CSMD1: variants seen among roughly 807,000 people sequenced by gnomAD.
CSMD1 encodes CUB and Sushi multiple domains 1.
In CSMD1, 213 loss-of-function variants were observed where a neutral mutation model predicts 417.5. The observed-to-expected ratio is 0.51, with a 90% CI of 0.46 to 0.57. CSMD1 has a LOEUF of 0.57. CSMD1 is among the 20% of genes least tolerant of loss of function. The pLI is 0.00. For synonymous variants in CSMD1, 2,862 were observed against 1,736.8 expected (o/e 1.65, Z -16.11); for missense variants, 6,923 against 4,529.7 (o/e 1.53, Z -15.17).
chr8:4,432,744 C>T (rs781431237), intron 2 of CSMD1, among the ~76,000 whole-genome samples: 7 of 152,162 alleles, frequency 4.6e-5, no homozygotes, highest in Non-Finnish European at 7.3e-5. Flanking sequence ...AGATTTCAAA[C>T]CAGGGCCATA....
In CSMD1 at chr8:4,440,761, C is replaced by T. The variant is rs368101612; in HGVS notation, c.303-20696G>A. Reference sequence around the variant, plus strand: ...CTATAATCCCAGCATTTTGGGAGGCCAGTGCGAGCAGATCACCTGAGGTCA... The same window carrying T: ...CTATAATCCCAGCATTTTGGGAGGCTAGTGCGAGCAGATCACCTGAGGTCA... On this transcript the variant is annotated intron_variant, in intron 2 of 69. Coordinates refer to ENST00000635120, the MANE Select transcript of CSMD1 (RefSeq NM_033225.6). 4.1e-4 allele frequency among the ~76,000 whole-genome samples: 62 copies of T among 152,060 alleles called. 1 individual carries two copies. In the East Asian group the frequency reaches 0.011, roughly 28 times the overall value.
At position 3,525,264 on chromosome 8, in the gene CSMD1, G is replaced by A. The variant is rs78554538; in HGVS notation, c.1345-31538C>T. On this transcript the variant is annotated intron_variant, in intron 10 of 69. Coordinates refer to ENST00000635120, the MANE Select transcript of CSMD1 (RefSeq NM_033225.6). Reference sequence around the variant, plus strand: ...TCCCTGGAACTGAGGGTCCTTAAAAGCACTCAGGAACTTTCAAAGCAACAG... The same window carrying A: ...TCCCTGGAACTGAGGGTCCTTAAAAACACTCAGGAACTTTCAAAGCAACAG... Among the ~76,000 whole-genome samples, 13 of 152,238 alleles carry A rather than the reference G, an allele frequency of 8.5e-5. No individual in the cohort carries two copies. The East Asian group carries it at 9.7e-4, about 11-fold the overall frequency.
chr8:3,759,522 G>C (rs558609603), intron 5 of CSMD1, among the ~76,000 whole-genome samples: 1 of 152,020 alleles, frequency 6.6e-6, no homozygotes, highest in Non-Finnish European at 1.5e-5. Context: ...CAAATAGTTT[G>C]GAAAATGAAA....
At chr8:4,089,563 ATTAC>A (rs1171949612) in intron 3 of CSMD1, among the ~76,000 whole-genome samples, 1 of 152,088 alleles carries the variant, frequency 6.6e-6, no homozygotes, top group African/African-American at 2.4e-5. Flanking sequence ...TCTGACTTGC[ATTAC>A]TTAGTTATTA....
At chr8:3,706,591 T>C (rs915260083) in intron 7 of CSMD1, among the ~76,000 whole-genome samples, 1 of 152,178 alleles carries the variant, frequency 6.6e-6, no homozygotes, top group Non-Finnish European at 1.5e-5. Flanking sequence ...AGAAGAGATA[T>C]TCTCCTTATT....
intron 42 of CSMD1, among the ~76,000 whole-genome samples, chr8:3,114,759 C>T (rs1218988111): frequency 6.6e-6 from 1 of 152,044 alleles, no homozygotes; most frequent in Non-Finnish European, 1.5e-5. Context: ...TCTGTATTTA[C>T]CAATCAGCTT....
In CSMD1 at chr8:3,766,952, G is replaced by A. The variant is rs144929770; in HGVS notation, c.819-12910C>T. Among the ~76,000 whole-genome samples, 339 of 152,272 alleles carry A rather than the reference G, an allele frequency of 2.2e-3. 2 individuals carry two copies. The highest frequency in any genetic ancestry group is 7.8e-3 in the African/African-American group (323 of 41,550). ...AACGAGTCCGACGGCAACAGATGCA[G>A]CACGGCTAATGCAATCATATGGGTC... On this transcript the variant is annotated intron_variant, in intron 5 of 69. Coordinates refer to ENST00000635120, the MANE Select transcript of CSMD1 (RefSeq NM_033225.6).
intron 47 of CSMD1, among the ~76,000 whole-genome samples, chr8:3,093,189 C>T (rs962732128): frequency 3.9e-5 from 6 of 152,170 alleles, no homozygotes; most frequent in Admixed American, 6.5e-5. Flanking sequence ...TAAGGTTAAA[C>T]GAGGTAGTAT....
chr8:3,052,616 T>A lies in CSMD1; in HGVS notation c.7506A>T (p.Gly2502=). 1 of 1,611,474 alleles carries A rather than the reference T, an allele frequency of 6.2e-7. No homozygotes were observed. The highest frequency in any genetic ancestry group is 8.5e-7 in the Non-Finnish European group (1 of 1,178,838). Residue 2502 remains glycine (G), a synonymous_variant, in exon 50 of 70, where the codon GGA becomes GGT. Coordinates refer to ENST00000635120, the MANE Select transcript of CSMD1 (RefSeq NM_033225.6). ...ACTCGTTCCCGGTAAATGAACCGTT[T>A]CCTGGGGATTCTGGGATTCCACAGG... The part of the protein sequence containing the change: ...AVSCGIPESP[G]NGSFTGNEFT...
intron 1 of CSMD1, among the ~76,000 whole-genome samples, chr8:4,670,302 G>C (rs888679397): frequency 6.6e-6 from 1 of 152,222 alleles, no homozygotes; most frequent in Admixed American, 6.5e-5. Context: ...TGGTTTTTGT[G>C]GCCTTGGCCC....
intron 17 of CSMD1, among the ~76,000 whole-genome samples, chr8:3,388,173 G>C (rs898788047): frequency 2.0e-5 from 3 of 152,102 alleles, no homozygotes; most frequent in African/African-American, 7.2e-5. Context: ...ATTAAAAACT[G>C]TGCTAGTGTT....
chr8:4,443,835 A>G (rs1459961481), intron 2 of CSMD1, among the ~76,000 whole-genome samples: 1 of 152,216 alleles, frequency 6.6e-6, no homozygotes, highest in Non-Finnish European at 1.5e-5. Context: ...CAGTGTTAGT[A>G]ACGAACTTCT....
chr8:3,666,762 T>G (rs1333010396), intron 7 of CSMD1, among the ~76,000 whole-genome samples: 1 of 152,214 alleles, frequency 6.6e-6, no homozygotes, highest in Non-Finnish European at 1.5e-5. Context: ...TGCCTCCATG[T>G]AAGATGTGCC....
chr8:3,831,741 G>C (rs1272612006), intron 5 of CSMD1, among the ~76,000 whole-genome samples: 1 of 152,120 alleles, frequency 6.6e-6, no homozygotes, highest in South Asian at 2.1e-4. Flanking sequence ...TCCAAATACA[G>C]TTCTCGGATG....
At chr8:3,788,184 A>G (rs574452125) in intron 5 of CSMD1, among the ~76,000 whole-genome samples, 2 of 152,350 alleles carry the variant, frequency 1.3e-5, no homozygotes, top group Non-Finnish European at 2.9e-5. Context: ...GTGATACTAC[A>G]TAATTACAAA....
At chr8:3,786,932 C>T (rs1002639696) in intron 5 of CSMD1, among the ~76,000 whole-genome samples, 1 of 152,076 alleles carries the variant, frequency 6.6e-6, no homozygotes, top group African/African-American at 2.4e-5. Flanking sequence ...AGGATTTCAA[C>T]CCAGGAATTT....
chr8:4,381,790 C>T (rs145922907), intron 3 of CSMD1, among the ~76,000 whole-genome samples: 1 of 152,226 alleles, frequency 6.6e-6, no homozygotes, highest in African/African-American at 2.4e-5. Context: ...TTCTAGTTGA[C>T]CTTTTTCTGC....
chr8:4,825,496 C>A (rs542274662), intron 1 of CSMD1, among the ~76,000 whole-genome samples: 5 of 151,958 alleles, frequency 3.3e-5, no homozygotes, highest in African/African-American at 1.2e-4. Flanking sequence ...AAAGATCGCC[C>A]GATTTTTCCT....
intron 5 of CSMD1, among the ~76,000 whole-genome samples, chr8:3,801,231 G>A (rs1047179824): frequency 1.3e-5 from 2 of 151,136 alleles, no homozygotes; most frequent in South Asian, 4.2e-4. Flanking sequence ...CTAATAACCA[G>A]AATATATAGA....
Sources: gnomAD v4.1 joint callset for allele counts (sites outside exome capture counted in the v4.1 genomes callset) on GRCh38, gnomAD v4.1.1 for gene constraint, MANE v1.5 for transcripts, NCBI Gene and HGNC (gene_info 2026-07-23, HGNC 2026-07-21) for gene names.